Variants in TMEFF2 observed in about 807,000 individuals in gnomAD.
The protein encoded by TMEFF2 is tomoregulin-2.
In TMEFF2, 28 loss-of-function variants were observed where a neutral mutation model predicts 53.8. The ratio of observed to expected loss-of-function variants is 0.52; its 90% CI spans 0.39 to 0.71. TMEFF2 has a LOEUF of 0.71. Ranked by LOEUF, TMEFF2 falls within the 30% of genes least tolerant of loss-of-function variation. The probability of loss-of-function intolerance (pLI) is 0.00; values close to 1 mark genes in which losing one functional copy is unlikely to be tolerated. For missense variants in TMEFF2, 353 were observed against 455.2 expected (o/e 0.78, Z 2.04); for synonymous variants, 162 against 166.3 (o/e 0.97, Z 0.20).
At position 192,194,745 on chromosome 2, in the gene TMEFF2, C is replaced by A; in HGVS notation, c.-221G>T. The A allele has an allele frequency of 1.7e-6, 1 of 573,898 alleles. No individual in the cohort carries two copies. 35.6% of individuals were successfully genotyped at this position (573,898 alleles called of 1,614,324 possible). Reference sequence around the variant, plus strand: ...TCAGCCCCGGAGCGAGAGGGTCGTCCGCTGAGAAGCTGCGCCGGAGACGCG... The same window carrying A: ...TCAGCCCCGGAGCGAGAGGGTCGTCAGCTGAGAAGCTGCGCCGGAGACGCG... On this transcript the variant is annotated 5_prime_UTR_variant, in exon 1 of 10. Transcript: ENST00000272771. The surrounding 1 kb of genome is among the most constrained non-coding windows in gnomAD (Gnocchi z 4.2).
chr2:192,032,897 T>C (rs1687177802), intron 5 of TMEFF2, among the ~76,000 whole-genome samples: 1 of 151,236 alleles, frequency 6.6e-6, no homozygotes, highest in African/African-American at 2.5e-5. Context: ...AAACCTGTTG[T>C]TTTTTTCTCT....
intron 4 of TMEFF2, among the ~76,000 whole-genome samples, chr2:192,153,348 G>A (rs1279986977): frequency 6.6e-6 from 1 of 151,550 alleles, no homozygotes; most frequent in Admixed American, 6.6e-5. Context: ...AGATGACTTT[G>A]CATCTAACTT....
chr2:192,144,306 C>T (rs532146769), intron 4 of TMEFF2, among the ~76,000 whole-genome samples: 5 of 152,138 alleles, frequency 3.3e-5, no homozygotes, highest in African/African-American at 4.8e-5. Flanking sequence ...AATTTTTCCT[C>T]ATTGCCAAGG....
At chr2:192,183,218 TCTG>T (rs1180153433) in intron 3 of TMEFF2, among the ~76,000 whole-genome samples, 1 of 152,084 alleles carries the variant, frequency 6.6e-6, no homozygotes, top group Non-Finnish European at 1.5e-5. Context: ...TTCTCTTTCT[TCTG>T]CTAATTCTCA....
In TMEFF2 at chr2:192,128,885, G is replaced by A. The variant is rs183265437; in HGVS notation, c.439+50783C>T. 3.0e-4 allele frequency among the ~76,000 whole-genome samples: 45 copies of A among 148,310 alleles called. No individual in the cohort carries two copies. The East Asian group carries it at 4.7e-3, about 15-fold the overall frequency. The stretch of plus-strand genomic sequence containing the variant: ...TTTTCATTCCAAGTGCTGCAGCGGC[G>A]CATTTTGGCTTCCCCCGGGGAGGTA... On this transcript the variant is annotated intron_variant, in intron 4 of 9. Coordinates refer to ENST00000272771, the MANE Select transcript of TMEFF2 (RefSeq NM_016192.4).
intron 4 of TMEFF2, among the ~76,000 whole-genome samples, chr2:192,125,056 G>T (rs1689644223): frequency 6.6e-6 from 1 of 152,124 alleles, no homozygotes; most frequent in South Asian, 2.1e-4. Context: ...AATTGGGAAA[G>T]GATACCACAA....
intron 5 of TMEFF2, among the ~76,000 whole-genome samples, chr2:192,035,756 A>G (rs976003510): frequency 8.5e-5 from 13 of 152,080 alleles, no homozygotes; most frequent in Non-Finnish European, 1.8e-4. Flanking sequence ...TTAACCTTTA[A>G]TTACTTGCCT....
chr2:192,046,357 C>T (rs956381891), intron 5 of TMEFF2, among the ~76,000 whole-genome samples: 9 of 151,982 alleles, frequency 5.9e-5, no homozygotes, highest in African/African-American at 2.2e-4. Flanking sequence ...GAGCGAGACA[C>T]TGTCTCAAAG....
chr2:192,144,189 C>T (rs917623448), intron 4 of TMEFF2, among the ~76,000 whole-genome samples: 6 of 152,078 alleles, frequency 3.9e-5, no homozygotes, highest in Non-Finnish European at 5.9e-5. Flanking sequence ...CTTCCCACAT[C>T]GTCGCCATCA....
intron 4 of TMEFF2, among the ~76,000 whole-genome samples, chr2:192,146,929 A>T (rs574394680): frequency 4.7e-4 from 71 of 152,260 alleles, no homozygotes; most frequent in Non-Finnish European, 6.5e-4. Context: ...AATTGTAACT[A>T]TAATAAAACA....
intron 4 of TMEFF2, among the ~76,000 whole-genome samples, chr2:192,143,759 G>C (rs1348446061): frequency 6.6e-6 from 1 of 152,028 alleles, no homozygotes; most frequent in Non-Finnish European, 1.5e-5. Context: ...GAGTAGCAGA[G>C]GCACCTTCCT....
At chr2:192,182,316 C>T (rs1375232074) in intron 3 of TMEFF2, among the ~76,000 whole-genome samples, 2 of 151,900 alleles carry the variant, frequency 1.3e-5, no homozygotes, top group African/African-American at 2.4e-5. Flanking sequence ...TATTTACAGT[C>T]AGACCTGGTT....
At position 192,070,908 on chromosome 2, in the gene TMEFF2, T is replaced by G. The variant is rs1463862676; in HGVS notation, c.440-13133A>C. On this transcript the variant is annotated intron_variant, in intron 4 of 9. Transcript: ENST00000272771. ...ATAAGGCAAGTTTGCATTTCCTAGG[T>G]GCCTTGTGGTTGACTGGGTCACATT... is the stretch of plus-strand genomic sequence containing the variant. 2.0e-5 allele frequency among the ~76,000 whole-genome samples: 3 copies of G among 151,946 alleles called. No individual in the cohort carries two copies. In the East Asian group the frequency reaches 5.8e-4, roughly 30 times the overall value.
At chr2:192,010,314 G>A (rs1686596687) in intron 5 of TMEFF2, among the ~76,000 whole-genome samples, 1 of 152,188 alleles carries the variant, frequency 6.6e-6, no homozygotes, top group African/African-American at 2.4e-5. Context: ...AGAAATAGTT[G>A]TGAGCTATTC....
chr2:192,107,478 A>T (rs1386430452), intron 4 of TMEFF2, among the ~76,000 whole-genome samples: 1 of 151,728 alleles, frequency 6.6e-6, no homozygotes, highest in Non-Finnish European at 1.5e-5. Flanking sequence ...CTTACCATGA[A>T]CGTCAGTGTA....
intron 4 of TMEFF2, among the ~76,000 whole-genome samples, chr2:192,126,570 A>G (rs1689683975): frequency 6.6e-6 from 1 of 152,208 alleles, no homozygotes; most frequent in Non-Finnish European, 1.5e-5. Context: ...TCATGTCACA[A>G]CTTGACACAT....
intron 4 of TMEFF2, among the ~76,000 whole-genome samples, chr2:192,145,859 A>T (rs1690238930): frequency 6.6e-6 from 1 of 152,048 alleles, no homozygotes; most frequent in Admixed American, 6.6e-5. Flanking sequence ...CAAGCACCAT[A>T]TAAACTTGTT....
At chr2:192,186,574 A>C (rs1348864062) in intron 2 of TMEFF2, among the ~76,000 whole-genome samples, 1 of 152,180 alleles carries the variant, frequency 6.6e-6, no homozygotes, top group African/African-American at 2.4e-5. Flanking sequence ...AGCTGGTGAC[A>C]TAATGATCGA....
intron 7 of TMEFF2, among the ~76,000 whole-genome samples, chr2:191,967,517 G>T (rs1377822679): frequency 6.6e-6 from 1 of 152,022 alleles, no homozygotes; most frequent in Non-Finnish European, 1.5e-5. Flanking sequence ...CCAGGCTTTG[G>T]TCTTGATCAG....
Sources: allele counts gnomAD v4.1 joint callset (sites outside exome capture counted in the v4.1 genomes callset), GRCh38; gene constraint gnomAD v4.1.1; non-coding constraint Gnocchi (gnomAD v3.1); transcripts MANE v1.5; gene names NCBI Gene and HGNC (gene_info 2026-07-23, HGNC 2026-07-21).